The following CYTH3 variants were observed in gnomAD, a reference collection of about 807,000 sequenced individuals.
CYTH3 encodes the protein cytohesin-3.
CYTH3 carries 23 observed loss-of-function variants against 55.1 expected under a neutral mutation model. The observed-to-expected ratio is 0.42, with a 90% CI of 0.30 to 0.59. CYTH3 has a LOEUF of 0.59. CYTH3 is among the 20% of genes least tolerant of loss of function. CYTH3 has a pLI of 0.20. For synonymous variants in CYTH3, 249 were observed against 194.9 expected (o/e 1.28, Z -2.31); for missense variants, 413 against 524.8 (o/e 0.79, Z 2.08).
intron 4 of CYTH3, among the ~76,000 whole-genome samples, chr7:6,181,135 G>GTTCC (rs946953382): frequency 2.0e-4 from 31 of 152,090 alleles, no homozygotes; most frequent in African/African-American, 6.7e-4. Flanking sequence ...AACCTTAGCT[G>GTTCC]TTCCTTCCTT....
rs911958481 is a variant in CYTH3 at position 6,170,231 on chromosome 7, A to T, written c.823+304T>A. 1.0e-5 allele frequency: 4 copies of T among 391,618 alleles called. No homozygotes were observed. Among genetic ancestry groups the T allele is most frequent in the African/African-American group, 6.2e-5 (3 of 48,690 alleles). The allele number at this position is 391,618 out of a possible 1,614,324, so 24.3% of individuals were successfully genotyped here. A position where few individuals can be genotyped will look rare whatever the true frequency, so the allele number is the denominator to read the frequency against. ...GAGGCACACAGGCTCTGTGGAGATAATGCGCTTGCTTCTCGTGCAGGAAGC... is the reference window on the plus strand; with the variant it reads ...GAGGCACACAGGCTCTGTGGAGATATTGCGCTTGCTTCTCGTGCAGGAAGC... On this transcript the variant is annotated intron_variant, in intron 9 of 12. Transcript: ENST00000350796. This position sits in a 1 kb window ranked among gnomAD's most constrained non-coding sequence, Gnocchi z 7.8.
chr7:6,214,959 G>C (rs541131261), intron 1 of CYTH3, among the ~76,000 whole-genome samples: 1 of 152,020 alleles, frequency 6.6e-6, no homozygotes, highest in East Asian at 1.9e-4. Flanking sequence ...AAAAGAGTAA[G>C]GTTATTTTGG....
rs1375258563 is a variant in CYTH3, at chr7:6,252,578, T to C, written c.34+19896A>G. Among the ~76,000 whole-genome samples the C allele has an allele frequency of 1.3e-5, 2 of 152,152 alleles. 1 individual carries two copies. Among genetic ancestry groups the C allele is most frequent in the East Asian group, 3.8e-4 (2 of 5,202 alleles). On this transcript the variant is annotated intron_variant, in intron 1 of 12. Transcript: ENST00000350796. ...TGCCCTTTCCTTTATTGGCTTTTCA[T>C]ACAATGAGTTTGCTGTGCCCATCAC...
chr7:6,214,505 T>A (rs1784386210), intron 1 of CYTH3, among the ~76,000 whole-genome samples: 1 of 152,184 alleles, frequency 6.6e-6, no homozygotes, highest in South Asian at 2.1e-4. Flanking sequence ...ATCTGGCTCT[T>A]CAAAACCATA....
At chr7:6,217,808 TAATCTCTAGAACTTGTG>T (rs1318505290) in intron 1 of CYTH3, among the ~76,000 whole-genome samples, 1 of 152,172 alleles carries the variant, frequency 6.6e-6, no homozygotes, top group Non-Finnish European at 1.5e-5. Flanking sequence ...ATCCAGGTCC[TAATCTCTAGAACTTGTG>T]AATGTTAACT....
intron 1 of CYTH3, among the ~76,000 whole-genome samples, chr7:6,237,850 T>C (rs1463991559): frequency 1.3e-5 from 2 of 152,190 alleles, no homozygotes; most frequent in East Asian, 3.8e-4. Context: ...TCTCTTCCTG[T>C]AAGTCTCAAA....
At chr7:6,243,612 A>AT (rs1490299639) in intron 1 of CYTH3, among the ~76,000 whole-genome samples, 3 of 152,174 alleles carry the variant, frequency 2.0e-5, no homozygotes, top group Admixed American at 6.5e-5. Flanking sequence ...GTTTAGTGGA[A>AT]TTTACTTAGG....
chr7:6,206,862 G>A (rs1014288745), intron 1 of CYTH3, among the ~76,000 whole-genome samples: 2 of 152,014 alleles, frequency 1.3e-5, no homozygotes, highest in African/African-American at 4.8e-5. Context: ...TCAAGTAAAG[G>A]TCAAATCCCA....
chr7:6,173,460 C>T (rs1253418376), intron 6 of CYTH3, among the ~76,000 whole-genome samples, 193 bp downstream of exon 6: 1 of 152,202 alleles, frequency 6.6e-6, no homozygotes, highest in African/African-American at 2.4e-5. Context: ...TTATCTTAAG[C>T]GTGTGCCCCA....
rs1044661764 is a variant in CYTH3 at position 6,169,057 on chromosome 7, T to A, written c.823+1478A>T. Among the ~76,000 whole-genome samples the A allele has an allele frequency of 1.1e-4, 16 of 152,142 alleles. No homozygotes were observed. The highest frequency in any genetic ancestry group is 3.9e-4 in the African/African-American group (16 of 41,440). ...AGCCAAAGACCATGGTACTAGGTTT[T>A]CAGGCAAATATCTACAACTCCCCTA... is the stretch of plus-strand genomic sequence containing the variant. On this transcript the variant is annotated intron_variant, in intron 9 of 12. Transcript: ENST00000350796. This position sits in a 1 kb window ranked among gnomAD's most constrained non-coding sequence, Gnocchi z 4.1.
chr7:6,179,785 T>C (rs1381654750), intron 4 of CYTH3, among the ~76,000 whole-genome samples: 226 of 36,242 alleles, frequency 6.2e-3, no homozygotes, highest in East Asian at 0.013. Context: ...ACACACCACC[T>C]ACCACACACA....
chr7:6,268,011 T>A (rs1281515131), intron 1 of CYTH3, among the ~76,000 whole-genome samples: 3 of 152,150 alleles, frequency 2.0e-5, no homozygotes, highest in Non-Finnish European at 4.4e-5. Context: ...ATATTCCCCA[T>A]CCACTCAGTT....
chr7:6,223,545 G>A (rs1298836346), intron 1 of CYTH3, among the ~76,000 whole-genome samples: 1 of 152,076 alleles, frequency 6.6e-6, no homozygotes, highest in African/African-American at 2.4e-5. Flanking sequence ...CCAACCCCGT[G>A]CTCTCTGAAA....
At chr7:6,230,909 A>C (rs575369905) in intron 1 of CYTH3, among the ~76,000 whole-genome samples, 30 of 152,298 alleles carry the variant, frequency 2.0e-4, no homozygotes, top group African/African-American at 6.7e-4. Flanking sequence ...GTACTTACAC[A>C]ATCTCAGGAA....
chr7:6,167,000 C>A (rs866832603), intron 9 of CYTH3, among the ~76,000 whole-genome samples: 1 of 152,166 alleles, frequency 6.6e-6, no homozygotes, highest in Non-Finnish European at 1.5e-5. Flanking sequence ...AGCCCTCAGA[C>A]CCTGCCCCCA....
At chr7:6,243,720 T>G (rs1779733727) in intron 1 of CYTH3, among the ~76,000 whole-genome samples, 1 of 152,210 alleles carries the variant, frequency 6.6e-6, no homozygotes, top group African/African-American at 2.4e-5. Flanking sequence ...TATATCAACT[T>G]ACCCAATGAA....
In CYTH3 at chr7:6,187,043, C is replaced by T; in HGVS notation, c.249+7G>A. ...TGCAGGCCAGAAAAGGGAGAGCATTCTCTTACCTTTTTGGGATCCATGTTG... is the reference window on the plus strand; with the variant it reads ...TGCAGGCCAGAAAAGGGAGAGCATTTTCTTACCTTTTTGGGATCCATGTTG... On this transcript the variant is annotated splice_region_variant and intron_variant, in intron 4 of 12. Coordinates refer to ENST00000350796, the MANE Select transcript of CYTH3 (RefSeq NM_004227.4). The T allele has an allele frequency of 6.2e-7, 1 of 1,613,310 alleles. No individual in the cohort carries two copies. The highest frequency in any genetic ancestry group is 8.5e-7 in the Non-Finnish European group (1 of 1,179,174).
intron 6 of CYTH3, chr7:6,172,230 T>G (rs1783219671): frequency 6.5e-6 from 1 of 152,816 alleles, no homozygotes; most frequent in Non-Finnish European, 1.5e-5. Context: ...CTCCTCTTCC[T>G]CTGCACGTCC....
chr7:6,241,326 T>C (rs1357643585), intron 1 of CYTH3, among the ~76,000 whole-genome samples: 1 of 152,208 alleles, frequency 6.6e-6, no homozygotes, highest in South Asian at 2.1e-4. Context: ...AACAGATAAA[T>C]GGGCATATAA....
Sources: allele counts gnomAD v4.1 joint callset (sites outside exome capture counted in the v4.1 genomes callset), GRCh38; gene constraint gnomAD v4.1.1; non-coding constraint Gnocchi (gnomAD v3.1); transcripts MANE v1.5; gene names NCBI Gene and HGNC (gene_info 2026-07-23, HGNC 2026-07-21).